ZNF541: variants seen among roughly 807,000 people sequenced by gnomAD.
The protein encoded by ZNF541 is zinc finger protein 541.
ZNF541 carries 23 observed loss-of-function variants against 123.5 expected under a neutral mutation model. The ratio of observed to expected loss-of-function variants is 0.19; its 90% confidence interval spans 0.13 to 0.26. The LOEUF (loss-of-function observed/expected upper bound fraction) is 0.26, where lower values mean the gene tolerates loss of function less well. Among genes scored for constraint, ZNF541 ranks in the 10% least tolerant of loss-of-function variants. The pLI, the probability that ZNF541 is intolerant of heterozygous loss-of-function variation, is 1.00. For missense variants in ZNF541, 1,612 were observed against 1,789.9 expected (o/e 0.90, Z 1.79); for synonymous variants, 751 against 754.5 (o/e 1.00, Z 0.08).
At chr19:47,571,278 A>G (rs1182564453) in intron 2 of ZNF541, among the ~76,000 whole-genome samples, 4 of 151,906 alleles carry the variant, frequency 2.6e-5, no homozygotes, top group Admixed American at 2.6e-4. Flanking sequence ...ACATCCAACT[A>G]ATTTTTTGTA....
chr19:47,527,890 G>C (rs888689524), intron 14 of ZNF541, among the ~76,000 whole-genome samples: 1 of 150,620 alleles, frequency 6.6e-6, no homozygotes, highest in African/African-American at 2.4e-5. Context: ...GTAGAGACAG[G>C]GTTTCTCCAT....
Position 47,555,659 on chromosome 19 carries a change from C to T in ZNF541, c.198G>A (p.Glu66=). 6.4e-7 allele frequency: 1 copy of T among 1,551,696 alleles called. No homozygotes were observed. Among genetic ancestry groups the T allele is most frequent in the Non-Finnish European group, 8.7e-7 (1 of 1,146,994 alleles). The change falls in exon 3 of 17, where the codon GAG becomes GAA. Residue 66 remains glutamate, a synonymous_variant. Coordinates refer to ENST00000391901, the MANE Select transcript of ZNF541 (RefSeq NM_001277075.3). ...PSLPTPDMSS[E]VLEDNLDTLS... ...AGGTGTCTAAGTTGTCCTCCAGCAC[C>T]TCGCTGGACATGTCAGGCGTTGGGA...
intron 2 of ZNF541, among the ~76,000 whole-genome samples, chr19:47,560,868 G>C (rs1048566803): frequency 6.6e-6 from 1 of 152,056 alleles, no homozygotes; most frequent in Non-Finnish European, 1.5e-5. Context: ...CCAGACAATG[G>C]AATGTTCTTC....
chr19:47,540,412 TC>T (rs1308432343), intron 6 of ZNF541, 77 bp from the exon 7 acceptor site: 1 of 1,420,200 alleles, frequency 7.0e-7, no homozygotes, highest in Non-Finnish European at 9.3e-7. Flanking sequence ...TGTTTTTTTT[TC>T]TTTTTTGTCT....
At chr19:47,529,136 C>T in intron 13 of ZNF541, 98 bp from the exon 14 acceptor site, 3 of 875,016 alleles carry the variant, frequency 3.4e-6, no homozygotes, top group Non-Finnish European at 5.4e-6. Context: ...GCTGCCATTA[C>T]TGAGTACCAA....
At chr19:47,554,533 T>TG (rs1218412067) in intron 3 of ZNF541, among the ~76,000 whole-genome samples, 1 of 152,142 alleles carries the variant, frequency 6.6e-6, no homozygotes, top group Non-Finnish European at 1.5e-5. Context: ...TGTTTTACTC[T>TG]GGGGGGAAGC....
chr19:47,564,799 C>G, intron 2 of ZNF541, among the ~76,000 whole-genome samples: 1 of 152,190 alleles, frequency 6.6e-6, no homozygotes, highest in Non-Finnish European at 1.5e-5. Flanking sequence ...CCAGCAATCT[C>G]ACTCCTGGGT....
intron 2 of ZNF541, among the ~76,000 whole-genome samples, chr19:47,570,192 T>C (rs1039442495): frequency 6.6e-6 from 1 of 151,366 alleles, no homozygotes; most frequent in Non-Finnish European, 1.5e-5. Flanking sequence ...GAGAATGGTG[T>C]GAACCCAGGA....
intron 6 of ZNF541, among the ~76,000 whole-genome samples, 168 bp downstream of exon 6, chr19:47,540,725 C>T (rs755532946): frequency 4.6e-5 from 7 of 152,206 alleles, no homozygotes; most frequent in Non-Finnish European, 8.8e-5. Flanking sequence ...CAGGCGTGAG[C>T]CACCGCGTCC....
Position 47,545,918 on chromosome 19 carries a change from C to G in ZNF541, c.611G>C (p.Ser204Thr), listed in dbSNP as rs140680651. ...AGAGCGGTAGTCGCAGTAGCTCTTG[C>G]TGCAGCCCTGCTCGATGCACACGAA... ...KPFVCIEQGC[S>T]KSYCDYRSLR... Residue 204 changes from serine to threonine, a missense_variant, in exon 5 of 17, where the codon AGC (serine) becomes ACC (threonine). Ser to Thr is a moderately conservative substitution (Grantham distance 58). This residue lies in a region of ZNF541 where 212 missense variants were observed against 289.6 expected (regional missense o/e 0.73). Coordinates refer to ENST00000391901, the MANE Select transcript of ZNF541 (RefSeq NM_001277075.3). The surrounding 1 kb of genome is among the most constrained non-coding windows in gnomAD (Gnocchi z 7.5). 2.1e-3 allele frequency: 3,286 copies of G among 1,537,864 alleles called. 58 individuals carry two copies. In the East Asian group the frequency reaches 0.036, roughly 17 times the overall value.
In ZNF541 at chr19:47,549,232, G is replaced by A; in HGVS notation, c.548+13C>T. The A allele has an allele frequency of 6.4e-7, 1 of 1,551,822 alleles. No homozygotes were observed. The highest frequency in any genetic ancestry group is 8.7e-7 in the Non-Finnish European group (1 of 1,146,976). Reference sequence around the variant, plus strand: ...CCCTGAACAGACGTTTTTCTGACCAGACTCCCACATACAGGTGGTCCTGGC... The same window carrying A: ...CCCTGAACAGACGTTTTTCTGACCAAACTCCCACATACAGGTGGTCCTGGC... On this transcript the variant is annotated intron_variant, in intron 4 of 16. Transcript: ENST00000391901.
chr19:47,532,419 TTC>T, intron 10 of ZNF541, 149 bp from the exon 11 acceptor site: 3 of 839,412 alleles, frequency 3.6e-6, no homozygotes, highest in Non-Finnish European at 5.5e-6. Context: ...GTACGTGCTG[TTC>T]CCGACAGATG....
intron 12 of ZNF541, among the ~76,000 whole-genome samples, chr19:47,530,285 C>T (rs558110062): frequency 1.3e-5 from 2 of 151,776 alleles, no homozygotes; most frequent in East Asian, 3.9e-4. Flanking sequence ...TCTCCTGCCT[C>T]AGCCTCCCAA....
Position 47,566,943 on chromosome 19 carries a change from C to T in ZNF541, c.-99+4953G>A, listed in dbSNP as rs554900595. On this transcript the variant is annotated intron_variant, in intron 2 of 16. Transcript: ENST00000391901. ...GCGGGTGCCTGTAGTCCCAGCTACT[C>T]GGGAGGCTGAGGCAGGAGAATGGCA... Among the ~76,000 whole-genome samples, 22 of 150,756 alleles carry T rather than the reference C, an allele frequency of 1.5e-4. No homozygotes were observed. In the East Asian group the frequency reaches 3.3e-3, roughly 23 times the overall value.
At position 47,525,708 on chromosome 19, in the gene ZNF541, T is replaced by C. The variant is rs151318350; in HGVS notation, c.3570+3242A>G. Among the ~76,000 whole-genome samples the C allele has an allele frequency of 1.0e-3, 151 of 151,708 alleles. 2 individuals carry two copies. The highest frequency in any genetic ancestry group is 3.4e-3 in the African/African-American group (141 of 41,344). On this transcript the variant is annotated intron_variant, in intron 14 of 16. Coordinates refer to ENST00000391901, the MANE Select transcript of ZNF541 (RefSeq NM_001277075.3). ...GCGGGCAGATCACGAGGTCAGGAGA[T>C]AGAGACCATCCTGGTTAACACGGTG...
chr19:47,560,042 G>C (rs936395344), intron 2 of ZNF541, among the ~76,000 whole-genome samples: 2 of 152,122 alleles, frequency 1.3e-5, no homozygotes, highest in African/African-American at 4.8e-5. Context: ...GTGGTTGTCT[G>C]TCTGACCTGT....
chr19:47,567,072 TA>T (rs901069779), intron 2 of ZNF541, among the ~76,000 whole-genome samples: 9 of 151,252 alleles, frequency 6.0e-5, no homozygotes, highest in Non-Finnish European at 1.3e-4. Flanking sequence ...AATAAATAAA[TA>T]AAATAAAATA....
chr19:47,551,329 C>T (rs1048103733), intron 3 of ZNF541, among the ~76,000 whole-genome samples: 4 of 151,534 alleles, frequency 2.6e-5, no homozygotes, highest in Non-Finnish European at 5.9e-5. Flanking sequence ...TGTGAGCCAC[C>T]GCGCCCAGCC....
Position 47,544,813 on chromosome 19 carries a change from C to G in ZNF541, c.1716G>C (p.Gln572His), listed in dbSNP as rs539139633. 5 of 1,531,004 alleles carry G rather than the reference C, an allele frequency of 3.3e-6. No individual in the cohort carries two copies. The South Asian group carries it at 3.6e-5, about 11-fold the overall frequency. The allele number at this position is 1,531,004 out of a possible 1,614,324, so 94.8% of individuals were successfully genotyped here. A position where few individuals can be genotyped will look rare whatever the true frequency, so the allele number is the denominator to read the frequency against. ...TKSQRIFSHA[Q>H]VAAVSSQLPA... ...GGAGCTGGGAGGAGACTGCTGCCAC[C>G]TGGGCATGGGAGAAGATCCGCTGGG... Residue 572 changes from glutamine (Q) to histidine (H), a missense_variant, in exon 5 of 17, where the codon CAG (glutamine) becomes CAC (histidine). Gln to His is a conservative substitution (Grantham distance 24, BLOSUM62 0). This residue lies in a region of ZNF541 where 1,080 missense variants were observed against 1,013.8 expected (regional missense o/e 1.07). Transcript: ENST00000391901.
Sources: gnomAD v4.1 joint callset for allele counts (sites outside exome capture counted in the v4.1 genomes callset) on GRCh38, gnomAD v4.1.1 for gene constraint, gnomAD v4.1.1 regional missense constraint, Gnocchi (gnomAD v3.1) non-coding constraint, MANE v1.5 for transcripts, NCBI Gene and HGNC (gene_info 2026-07-23, HGNC 2026-07-21) for gene names.